The following PDS5A variants were observed in gnomAD, a reference collection of about 807,000 sequenced individuals.
The protein encoded by PDS5A is sister chromatid cohesion protein PDS5 homolog A.
PDS5A carries 42 observed loss-of-function variants against 167.1 expected under a neutral mutation model. The ratio of observed to expected loss-of-function variants is 0.25; its 90% CI spans 0.20 to 0.33. PDS5A has a LOEUF of 0.33. PDS5A is among the 10% of genes least tolerant of loss of function. The pLI is 1.00. For missense variants in PDS5A, 1,033 were observed against 1,605.9 expected (o/e 0.64, Z 6.10); for synonymous variants, 553 against 554.6 (o/e 1.00, Z 0.04).
chr4:39,962,630 C>A (rs1265756625), intron 2 of PDS5A, among the ~76,000 whole-genome samples: 11 of 151,604 alleles, frequency 7.3e-5, no homozygotes, highest in African/African-American at 2.4e-4. Context: ...ATGGTGAAAC[C>A]CCGTCTCTAC....
intron 2 of PDS5A, among the ~76,000 whole-genome samples, chr4:39,954,351 C>T (rs1728705699): frequency 6.6e-6 from 1 of 151,990 alleles, no homozygotes; most frequent in Admixed American, 6.6e-5. Flanking sequence ...CAGAGCGAGA[C>T]CCTGTCTCTT....
rs1410130272 is a variant in PDS5A at position 39,939,925 on chromosome 4, ACT to A, written c.139-11763_139-11762del. Among the ~76,000 whole-genome samples the A allele has an allele frequency of 4.6e-5, 7 of 152,254 alleles. No individual in the cohort carries two copies. In the East Asian group the frequency reaches 5.8e-4, roughly 13 times the overall value. ...GTGTACTCTGGCCTGGGCAACAGAG[ACT>A]CTGTCTAAATAAAGTAAAAAATAAA... is the stretch of plus-strand genomic sequence containing the variant. On this transcript the variant is annotated intron_variant, in intron 2 of 32. Coordinates refer to ENST00000303538, the MANE Select transcript of PDS5A (RefSeq NM_001100399.2).
At chr4:39,973,835 G>A in intron 2 of PDS5A, 3 of 1,066,958 alleles carry the variant, frequency 2.8e-6, no homozygotes, top group South Asian at 1.3e-5. Flanking sequence ...ACTCAGAACC[G>A]TGCTGCAAGA....
intron 2 of PDS5A, among the ~76,000 whole-genome samples, chr4:39,943,608 A>AC (rs1337301269): frequency 5.4e-5 from 7 of 129,086 alleles, no homozygotes; most frequent in African/African-American, 1.8e-4. Flanking sequence ...ACATGGTGAA[A>AC]CCCCGTTTCT....
intron 2 of PDS5A, among the ~76,000 whole-genome samples, chr4:39,971,332 T>C (rs1384881444): frequency 6.6e-6 from 1 of 152,074 alleles, no homozygotes; most frequent in Non-Finnish European, 1.5e-5. Context: ...TTTTTTTGTA[T>C]TTTTAGTAGA....
chr4:39,938,503 A>G (rs9986115), intron 2 of PDS5A, among the ~76,000 whole-genome samples: 144,823 of 152,078 alleles, frequency 0.95, 68,975 homozygotes, highest in East Asian at 0.99. Flanking sequence ...GTAGTGAGCC[A>G]AGATCGTGCC....
chr4:39,854,174 A>G (rs995278645), intron 26 of PDS5A, among the ~76,000 whole-genome samples: 1 of 152,156 alleles, frequency 6.6e-6, no homozygotes, highest in Non-Finnish European at 1.5e-5. Context: ...ATCGTGGTGC[A>G]TGCCTGTAGT....
intron 32 of PDS5A, among the ~76,000 whole-genome samples, chr4:39,829,981 A>AAAAG (rs1715702850): frequency 7.6e-6 from 1 of 132,148 alleles, no homozygotes; most frequent in African/African-American, 2.8e-5. Flanking sequence ...AAAAAAAAAA[A>AAAAG]AAAGAAATTT....
intron 2 of PDS5A, among the ~76,000 whole-genome samples, chr4:39,943,671 G>A (rs1277830506): frequency 6.6e-6 from 1 of 151,444 alleles, no homozygotes; most frequent in East Asian, 1.9e-4. Context: ...GCCAGATGTG[G>A]TGGTGCGCAC....
chr4:39,840,813 G>T (rs1716931397), intron 31 of PDS5A, among the ~76,000 whole-genome samples: 1 of 152,162 alleles, frequency 6.6e-6, no homozygotes, highest in African/African-American at 2.4e-5. Flanking sequence ...GGAATGCAAT[G>T]GCATGATGTT....
At chr4:39,917,015 T>TTA (rs771879351) in intron 8 of PDS5A, 33 bp downstream of exon 8, 87 of 1,118,900 alleles carry the variant, frequency 7.8e-5, no homozygotes, top group Middle Eastern at 2.7e-4. Context: ...ACAAAAAAAT[T>TTA]AAAAAAAAAA....
rs1198850812 is a variant in PDS5A, at chr4:39,913,671, C to T, written c.932G>A (p.Gly311Asp). 6.2e-7 allele frequency: 1 copy of T among 1,612,468 alleles called. No individual in the cohort carries two copies. Among genetic ancestry groups the T allele is most frequent in the African/African-American group, 1.3e-5 (1 of 74,886 alleles). ...AVVRLLAKLF[G>D]SKDSDLATQN... ...TGTTGCCAAATCAGAATCTTTGGAG[C>T]CAAACAATTTAGCTAGAAGTCGAAC... The change falls in exon 9 of 33, where the codon GGC (glycine) becomes GAC (aspartate). Residue 311 changes from glycine (G) to aspartate (D), a missense_variant. Gly to Asp is a moderately conservative substitution (Grantham distance 94). Transcript: ENST00000303538.
At chr4:39,923,082 ACT>A (rs1725139920) in intron 5 of PDS5A, among the ~76,000 whole-genome samples, 1 of 152,134 alleles carries the variant, frequency 6.6e-6, no homozygotes, top group Non-Finnish European at 1.5e-5. Flanking sequence ...TAATCCCAGC[ACT>A]TTGGGAGGCT....
intron 2 of PDS5A, among the ~76,000 whole-genome samples, chr4:39,962,797 C>T (rs1039745238): frequency 6.6e-6 from 1 of 151,566 alleles, no homozygotes; most frequent in African/African-American, 2.4e-5. Flanking sequence ...CTCCGTCTGG[C>T]GAGGAAGAGG....
chr4:39,835,592 G>A (rs374178658), intron 32 of PDS5A, among the ~76,000 whole-genome samples: 84 of 151,994 alleles, frequency 5.5e-4, no homozygotes, highest in African/African-American at 1.9e-3. Context: ...GCCGGATCTC[G>A]GCTCACTGCA....
At chr4:39,924,469 C>G (rs1211041520) in intron 5 of PDS5A, among the ~76,000 whole-genome samples, 2 of 152,330 alleles carry the variant, frequency 1.3e-5, no homozygotes, top group East Asian at 3.9e-4. Flanking sequence ...CTATGCCAAG[C>G]TGGAGTGATC....
intron 17 of PDS5A, among the ~76,000 whole-genome samples, chr4:39,882,016 T>C (rs1220434867): frequency 1.3e-5 from 2 of 152,200 alleles, no homozygotes; most frequent in Admixed American, 6.5e-5. Context: ...TTGCTCTTGC[T>C]TCATCTTCCA....
At chr4:39,943,531 C>T (rs1300115177) in intron 2 of PDS5A, among the ~76,000 whole-genome samples, 1 of 150,992 alleles carries the variant, frequency 6.6e-6, no homozygotes, top group Non-Finnish European at 1.5e-5. Flanking sequence ...CACCTGTAAT[C>T]CCAGCACTTT....
At chr4:39,830,745 C>G (rs1409071481) in intron 32 of PDS5A, among the ~76,000 whole-genome samples, 6 of 151,976 alleles carry the variant, frequency 3.9e-5, no homozygotes. Flanking sequence ...AATTTTCACC[C>G]CAGTCTTGTT....
Sources: allele counts gnomAD v4.1 joint callset (sites outside exome capture counted in the v4.1 genomes callset), GRCh38; gene constraint gnomAD v4.1.1; transcripts MANE v1.5; gene names NCBI Gene and HGNC (gene_info 2026-07-23, HGNC 2026-07-21).